Variants in H6PD observed in about 807,000 individuals in gnomAD.
H6PD encodes hexose-6-phosphate dehydrogenase/glucose 1-dehydrogenase.
H6PD carries 48 observed loss-of-function variants against 61.2 expected under a neutral mutation model. The ratio of observed to expected loss-of-function variants is 0.78; its 90% CI spans 0.62 to 1.00. The LOEUF (loss-of-function observed/expected upper bound fraction) is 1.00, where lower values mean the gene tolerates loss of function less well. Among genes scored for constraint, H6PD ranks in the 50% least tolerant of loss-of-function variants. H6PD has a pLI of 0.00. For synonymous variants in H6PD, 480 were observed against 457.9 expected (o/e 1.05, Z -0.62); for missense variants, 1,093 against 1,065.0 (o/e 1.03, Z -0.37).
chr1:9,264,567 G>T lies in H6PD; in HGVS notation c.2074G>T (p.Gly692Cys). The T allele has an allele frequency of 1.9e-6, 3 of 1,613,332 alleles. No individual in the cohort carries two copies. Among genetic ancestry groups the T allele is most frequent in the Middle Eastern group, 1.6e-4 (1 of 6,062 alleles). The change falls in exon 5 of 5, where the codon GGC becomes TGC. Residue 692 changes from glycine to cysteine, a missense_variant. Physicochemically the swap from Gly to Cys is radical, Grantham distance 159. Transcript: ENST00000377403. ...ANSSFDLVLLGMGADGHTASL... is the reference protein window; with the variant it reads ...ANSSFDLVLLCMGADGHTASL... ...CAGCAGCTTCGACCTGGTGCTGCTG[G>T]GCATGGGTGCCGACGGGCACACAGC...
rs1640807425 is a variant in H6PD, at chr1:9,234,933, T to C, written c.-144T>C. ...GCGCGTGGCCGCGTGACACGCGCAC[T>C]TGTCGGAGTGACGGGCCCTGCGGAA... On this transcript the variant is annotated 5_prime_UTR_variant, in exon 1 of 5. Coordinates refer to ENST00000377403, the MANE Select transcript of H6PD (RefSeq NM_004285.4). 1 of 147,734 alleles carries C rather than the reference T, an allele frequency of 6.8e-6. No individual in the cohort carries two copies. Among genetic ancestry groups the C allele is most frequent in the Non-Finnish European group, 1.5e-5 (1 of 66,302 alleles). 9.2% of individuals were successfully genotyped at this position (147,734 alleles called of 1,614,324 possible). A position where few individuals can be genotyped will look rare whatever the true frequency, so the allele number is the denominator to read the frequency against.
At chr1:9,248,907 C>T (rs2311051) in intron 3 of H6PD, among the ~76,000 whole-genome samples, 1 of 152,090 alleles carries the variant, frequency 6.6e-6, no homozygotes, top group Admixed American at 6.5e-5. Context: ...CCGTGGGTTG[C>T]CCCCCGTGCC....
Sources: allele counts gnomAD v4.1 joint callset (sites outside exome capture counted in the v4.1 genomes callset), GRCh38; gene constraint gnomAD v4.1.1; transcripts MANE v1.5; gene names NCBI Gene and HGNC (gene_info 2026-07-23, HGNC 2026-07-21).